CSTF3: variants seen among roughly 807,000 people sequenced by gnomAD.
CSTF3 encodes CF-1 77 kDa subunit.
Under a neutral mutation model 105.8 loss-of-function variants are expected in CSTF3, and 29 were observed. That is an observed-to-expected ratio of 0.27 (90% CI 0.20 to 0.37). The LOEUF (loss-of-function observed/expected upper bound fraction) is 0.37, where lower values mean the gene tolerates loss of function less well. Ranked by LOEUF, CSTF3 falls within the 10% of genes least tolerant of loss-of-function variation. The pLI is 1.00. For synonymous variants in CSTF3, 252 were observed against 281.9 expected (o/e 0.89, Z 1.06); for missense variants, 357 against 879.3 (o/e 0.41, Z 7.51).
In CSTF3 at chr11:33,089,374, A is replaced by G. The variant is rs555612181; in HGVS notation, c.1641+1158T>C. ...AAAAAAAAAAAGACAGAAACGATGT[A>G]TAGGAAAACCAATTTTTTTCTTATC... is the stretch of plus-strand genomic sequence containing the variant. On this transcript the variant is annotated intron_variant, in intron 17 of 20. Transcript: ENST00000323959. Among the ~76,000 whole-genome samples, 5 of 151,978 alleles carry G rather than the reference A, an allele frequency of 3.3e-5. 1 individual carries two copies. The South Asian group carries it at 1.0e-3, about 32-fold the overall frequency.
At chr11:33,147,234 T>C (rs1455074275) in intron 1 of CSTF3, among the ~76,000 whole-genome samples, 3 of 151,464 alleles carry the variant, frequency 2.0e-5, no homozygotes, top group Non-Finnish European at 4.4e-5. Flanking sequence ...GAGTTCAAGG[T>C]TGCAGTGAGC....
At chr11:33,151,385 C>T (rs1855857317) in intron 1 of CSTF3, among the ~76,000 whole-genome samples, 1 of 151,848 alleles carries the variant, frequency 6.6e-6, no homozygotes, top group Admixed American at 6.6e-5. Flanking sequence ...GGGGTTTTGC[C>T]ATATTGTCCA....
intron 3 of CSTF3, among the ~76,000 whole-genome samples, chr11:33,112,005 G>T (rs1002149191): frequency 1.3e-5 from 2 of 152,156 alleles, no homozygotes; most frequent in Non-Finnish European, 1.5e-5. Context: ...TGTAATCCCA[G>T]CACTTTGGGA....
At chr11:33,154,505 T>A (rs1283802307) in intron 1 of CSTF3, among the ~76,000 whole-genome samples, 1 of 147,010 alleles carries the variant, frequency 6.8e-6, no homozygotes, top group Non-Finnish European at 1.5e-5. Context: ...TTTTTTTTTT[T>A]TTTTTTTTTG....
At chr11:33,136,102 T>TA (rs1226213779) in intron 3 of CSTF3, 2 of 152,590 alleles carry the variant, frequency 1.3e-5, no homozygotes, top group Non-Finnish European at 2.9e-5. Context: ...TACAAAATGG[T>TA]AAAACTTACC....
At chr11:33,097,088 C>A in intron 13 of CSTF3, 110 bp from the exon 14 acceptor site, 1 of 754,932 alleles carries the variant, frequency 1.3e-6, no homozygotes, top group Non-Finnish European at 2.0e-6. Context: ...AGATAATATT[C>A]TATTTAAATC....
At chr11:33,115,459 T>A (rs1855421405) in intron 3 of CSTF3, among the ~76,000 whole-genome samples, 1 of 152,216 alleles carries the variant, frequency 6.6e-6, no homozygotes, top group Non-Finnish European at 1.5e-5. Flanking sequence ...TTAAGTTAGC[T>A]GCTGGAGTGG....
intron 3 of CSTF3, among the ~76,000 whole-genome samples, chr11:33,113,235 AAATAAATAAATG>A (rs1481440943): frequency 6.6e-6 from 1 of 151,818 alleles, no homozygotes; most frequent in Non-Finnish European, 1.5e-5. Flanking sequence ...ATAAATAAAT[AAATAAATAAATG>A]AATAAGACCA....
intron 3 of CSTF3, among the ~76,000 whole-genome samples, chr11:33,124,752 G>A (rs974928468): frequency 2.0e-5 from 3 of 152,074 alleles, no homozygotes; most frequent in African/African-American, 4.8e-5. Context: ...AAATGCATGC[G>A]TAACTTCCAC....
Position 33,090,731 on chromosome 11 carries a change from CAAG to C in CSTF3, c.1446-7_1446-5del. On this transcript the variant is annotated splice_region_variant and splice_polypyrimidine_tract_variant and intron_variant, in intron 16 of 20. Transcript: ENST00000323959. ...TAGAAATCGGGCCCAGATTTCTCTGCAAGAAAAGAAATACAATCAATACTTTAA... is the reference window on the plus strand; with the variant it reads ...TAGAAATCGGGCCCAGATTTCTCTGCAAAAGAAATACAATCAATACTTTAA... The C allele has an allele frequency of 2.0e-6, 3 of 1,513,284 alleles. No individual in the cohort carries two copies. The highest frequency in any genetic ancestry group is 2.7e-6 in the Non-Finnish European group (3 of 1,131,646). The allele number at this position is 1,513,284 out of a possible 1,614,324, so 93.7% of individuals were successfully genotyped here.
intron 13 of CSTF3, among the ~76,000 whole-genome samples, chr11:33,098,224 T>C (rs1855244530): frequency 2.0e-5 from 3 of 152,106 alleles, no homozygotes; most frequent in Admixed American, 6.5e-5. Context: ...AAAACCACTA[T>C]GATAGAGCAG....
At chr11:33,121,011 A>AT (rs1460751492) in intron 3 of CSTF3, among the ~76,000 whole-genome samples, 1 of 152,030 alleles carries the variant, frequency 6.6e-6, no homozygotes, top group African/African-American at 2.4e-5. Flanking sequence ...TGAAAGTTAG[A>AT]TTTTTCACAG....
intron 3 of CSTF3, among the ~76,000 whole-genome samples, chr11:33,124,863 C>A (rs1270318016): frequency 6.6e-6 from 1 of 152,114 alleles, no homozygotes; most frequent in Non-Finnish European, 1.5e-5. Context: ...TTCTAGCTTC[C>A]CTTGCTGCTG....
intron 3 of CSTF3, among the ~76,000 whole-genome samples, chr11:33,135,916 T>C (rs1464939805): frequency 6.6e-6 from 1 of 152,138 alleles, no homozygotes; most frequent in Non-Finnish European, 1.5e-5. Flanking sequence ...AGTATTTAGA[T>C]TTCATTTCAG....
intron 3 of CSTF3, among the ~76,000 whole-genome samples, chr11:33,117,273 TATA>T (rs1390995316): frequency 1.3e-5 from 2 of 151,840 alleles, no homozygotes; most frequent in Non-Finnish European, 2.9e-5. Context: ...AAAAACAGGA[TATA>T]ATAATATGTA....
At chr11:33,085,821 AAGT>A in intron 19 of CSTF3, 48 bp from the exon 20 acceptor site, 1 of 1,593,642 alleles carries the variant, frequency 6.3e-7, no homozygotes, top group Non-Finnish European at 8.6e-7. Flanking sequence ...TGACAAGTTA[AAGT>A]AGTAGTAACT....
chr11:33,145,629 G>T (rs1047804213), intron 1 of CSTF3, among the ~76,000 whole-genome samples: 1 of 151,854 alleles, frequency 6.6e-6, no homozygotes, highest in African/African-American at 2.4e-5. Flanking sequence ...CTGGCTAACA[G>T]GGTGAAACCC....
At chr11:33,156,886 T>G in intron 1 of CSTF3, 1 of 310,832 alleles carries the variant, frequency 3.2e-6, no homozygotes, top group East Asian at 9.3e-5. Context: ...ATCAAAATAT[T>G]ATTTCTTAGG....
intron 3 of CSTF3, among the ~76,000 whole-genome samples, chr11:33,137,108 C>T (rs941975926): frequency 2.0e-5 from 3 of 151,782 alleles, no homozygotes; most frequent in East Asian, 1.9e-4. Context: ...GAGTTTAAAA[C>T]GTAAGAGTCT....
Sources: gnomAD v4.1 joint callset for allele counts (sites outside exome capture counted in the v4.1 genomes callset) on GRCh38, gnomAD v4.1.1 for gene constraint, MANE v1.5 for transcripts, NCBI Gene and HGNC (gene_info 2026-07-23, HGNC 2026-07-21) for gene names.